NDUFS4: variants seen among roughly 807,000 people sequenced by gnomAD.
NDUFS4 encodes the protein NADH:ubiquinone oxidoreductase subunit S4.
NDUFS4 carries 28 observed loss-of-function variants against 24.3 expected under a neutral mutation model. The observed-to-expected ratio is 1.15, with a 90% CI of 0.85 to 1.58. The LOEUF (loss-of-function observed/expected upper bound fraction) is 1.58. NDUFS4 is among the 40% of genes most tolerant of loss of function. NDUFS4 has a pLI of 0.00. For synonymous variants in NDUFS4, 93 were observed against 69.7 expected (o/e 1.34, Z -1.67); for missense variants, 223 against 207.9 (o/e 1.07, Z -0.45).
chr5:53,604,947 C>T (rs1750451817), intron 2 of NDUFS4: 1 of 446,698 alleles, frequency 2.2e-6, no homozygotes, highest in Non-Finnish European at 4.5e-6. Flanking sequence ...AGGGGCAGGG[C>T]ATGGTGGCTC....
chr5:53,610,271 G>T lies in NDUFS4; in HGVS notation c.177+6741G>T, dbSNP rs546253037. Among the ~76,000 whole-genome samples, 184 of 152,246 alleles carry T rather than the reference G, an allele frequency of 1.2e-3. 2 individuals carry two copies. Among genetic ancestry groups the T allele is most frequent in the African/African-American group, 4.3e-3 (178 of 41,546 alleles). On this transcript the variant is annotated intron_variant, in intron 2 of 4. Transcript: ENST00000296684. ...TAGAGAGGCCCAAGGAAAGGGTGAG[G>T]TACGAGGAAATGGCTTGTCAGTGGA...
intron 2 of NDUFS4, among the ~76,000 whole-genome samples, chr5:53,617,192 G>A (rs1006901046): frequency 2.0e-5 from 3 of 152,182 alleles, no homozygotes; most frequent in Non-Finnish European, 4.4e-5. Context: ...GCTTTTGCCA[G>A]TGGCATGGGT....
chr5:53,633,708 A>G (rs1751473332), intron 2 of NDUFS4, among the ~76,000 whole-genome samples: 1 of 152,230 alleles, frequency 6.6e-6, no homozygotes, highest in African/African-American at 2.4e-5. Flanking sequence ...CATGAACCCA[A>G]GATGGGTAGA....
chr5:53,578,418 G>A (rs1749454200), intron 1 of NDUFS4, among the ~76,000 whole-genome samples: 1 of 152,016 alleles, frequency 6.6e-6, no homozygotes, highest in South Asian at 2.1e-4. Context: ...TTTTCTGTTG[G>A]CTCACGATAT....
chr5:53,562,194 G>A (rs1235564864), intron 1 of NDUFS4, among the ~76,000 whole-genome samples: 1 of 152,092 alleles, frequency 6.6e-6, no homozygotes, highest in East Asian at 1.9e-4. Flanking sequence ...AGTAGAGGCG[G>A]GGTTTCACCA....
intron 4 of NDUFS4, among the ~76,000 whole-genome samples, chr5:53,664,550 A>G (rs562247695): frequency 6.6e-6 from 1 of 151,934 alleles, no homozygotes; most frequent in African/African-American, 2.4e-5. Context: ...TTTTTTCTCT[A>G]AACTTCTCTT....
At chr5:53,671,839 T>A (rs1740256722) in intron 4 of NDUFS4, among the ~76,000 whole-genome samples, 1 of 152,310 alleles carries the variant, frequency 6.6e-6, no homozygotes, top group East Asian at 1.9e-4. Flanking sequence ...CCGTTTGATC[T>A]GATTTGAAAG....
chr5:53,565,103 T>G (rs1043848962), intron 1 of NDUFS4, among the ~76,000 whole-genome samples: 2 of 152,230 alleles, frequency 1.3e-5, no homozygotes, highest in African/African-American at 4.8e-5. Flanking sequence ...CTTTGAGAGC[T>G]CTCCTGTGTT....
At chr5:53,679,690 T>C (rs1231197317) in intron 4 of NDUFS4, among the ~76,000 whole-genome samples, 1 of 152,152 alleles carries the variant, frequency 6.6e-6, no homozygotes, top group Non-Finnish European at 1.5e-5. Context: ...ATCAGGTTTG[T>C]GTTTGTGTGT....
intron 1 of NDUFS4, 23 bp from the exon 2 acceptor site, chr5:53,603,429 T>A (rs767012684): frequency 6.2e-7 from 1 of 1,601,202 alleles, no homozygotes; most frequent in African/African-American, 1.3e-5. Flanking sequence ...GATCCTTTTT[T>A]AACTTAAAGT....
At chr5:53,628,689 T>C (rs1751304389) in intron 2 of NDUFS4, among the ~76,000 whole-genome samples, 1 of 152,230 alleles carries the variant, frequency 6.6e-6, no homozygotes, top group Non-Finnish European at 1.5e-5. Flanking sequence ...TATTCTCTGA[T>C]AGTAGTTTGT....
chr5:53,583,319 CTT>C (rs1749634761), intron 1 of NDUFS4, among the ~76,000 whole-genome samples: 1 of 152,194 alleles, frequency 6.6e-6, no homozygotes, highest in South Asian at 2.1e-4. Context: ...CTATTGCAAA[CTT>C]TATCTTACGG....
At position 53,635,506 on chromosome 5, in the gene NDUFS4, T is replaced by A. The variant is rs901271007; in HGVS notation, c.178-10727T>A. 3.9e-5 allele frequency among the ~76,000 whole-genome samples: 6 copies of A among 151,958 alleles called. No individual in the cohort carries two copies. The East Asian group carries it at 9.6e-4, about 24-fold the overall frequency. On this transcript the variant is annotated intron_variant, in intron 2 of 4. Coordinates refer to ENST00000296684, the MANE Select transcript of NDUFS4 (RefSeq NM_002495.4). ...CTGCACCCTAACCTGGGTGATGGAGTGAGATCCTTTCTCAAAATAAATAAA... is the reference window on the plus strand; with the variant it reads ...CTGCACCCTAACCTGGGTGATGGAGAGAGATCCTTTCTCAAAATAAATAAA...
intron 4 of NDUFS4, among the ~76,000 whole-genome samples, chr5:53,665,909 T>G (rs1242273021): frequency 6.6e-6 from 1 of 152,242 alleles, no homozygotes; most frequent in South Asian, 2.1e-4. Flanking sequence ...ACCCGTCTTC[T>G]GCGTCGCTTA....
intron 1 of NDUFS4, among the ~76,000 whole-genome samples, chr5:53,578,966 C>T (rs184103063): frequency 7.2e-5 from 11 of 152,258 alleles, no homozygotes; most frequent in Middle Eastern, 3.4e-3. Flanking sequence ...TGTGACCTCC[C>T]GTGCACTCCC....
intron 2 of NDUFS4, among the ~76,000 whole-genome samples, chr5:53,618,113 C>A (rs1268269972): frequency 6.6e-6 from 1 of 150,622 alleles, no homozygotes; most frequent in African/African-American, 2.4e-5. Context: ...TCGTCTCTTC[C>A]AAAAAAAAAT....
chr5:53,587,820 C>A (rs1034391125), intron 1 of NDUFS4, among the ~76,000 whole-genome samples: 8 of 152,154 alleles, frequency 5.3e-5, no homozygotes, highest in Admixed American at 2.0e-4. Context: ...CTCAAGGGAT[C>A]CACCGGCCTC....
chr5:53,666,805 G>A (rs55791118), intron 4 of NDUFS4, among the ~76,000 whole-genome samples: 64,444 of 151,758 alleles, frequency 0.42, 14,510 homozygotes, highest in Admixed American at 0.5. Flanking sequence ...GTGGTGGTGC[G>A]CACCTGTAGT....
At chr5:53,563,251 A>AAG (rs1554052697) in intron 1 of NDUFS4, among the ~76,000 whole-genome samples, 1 of 149,038 alleles carries the variant, frequency 6.7e-6, no homozygotes, top group Non-Finnish European at 1.5e-5. Flanking sequence ...AAAAAAAAAA[A>AAG]AAAGAAAAGG....
Sources: allele counts gnomAD v4.1 joint callset (sites outside exome capture counted in the v4.1 genomes callset), GRCh38; gene constraint gnomAD v4.1.1; transcripts MANE v1.5; gene names NCBI Gene and HGNC (gene_info 2026-07-23, HGNC 2026-07-21).